The following C4orf36 variants were observed in gnomAD, a reference collection of about 807,000 sequenced individuals.
C4orf36 encodes the protein uncharacterized protein C4orf36.
C4orf36 carries 11 observed loss-of-function variants against 12.2 expected under a neutral mutation model. The observed-to-expected ratio is 0.90, with a 90% CI of 0.57 to 1.49. The LOEUF is 1.49. Ranked by LOEUF, C4orf36 falls within the 40% of genes most tolerant of loss-of-function variation. The pLI is 0.00. For synonymous variants in C4orf36, 54 were observed against 51.3 expected, an observed-to-expected ratio of 1.05 and a Z score of -0.22; for missense variants, 137 against 133.9, an observed-to-expected ratio of 1.02 and a Z score of -0.11.
At chr4:86,910,931 A>G in the C4orf36 span, among the ~76,000 whole-genome samples, 1 of 152,002 alleles carries the variant, frequency 6.6e-6, no homozygotes, top group Non-Finnish European at 1.5e-5. Flanking sequence ...CTAAAAAAAA[A>G]AAATAGCTGA....
chr4:86,919,473 C>G, the C4orf36 span, among the ~76,000 whole-genome samples: 1 of 151,772 alleles, frequency 6.6e-6, no homozygotes, highest in Non-Finnish European at 1.5e-5. Flanking sequence ...CAGGCATGCA[C>G]CACCAGTCTT....
the C4orf36 span, chr4:86,933,305 C>T: frequency 6.6e-6 from 1 of 152,154 alleles, no homozygotes; most frequent in Non-Finnish European, 1.5e-5. Context: ...ACTGGAATGT[C>T]ATGAAAATAG....
the C4orf36 span, among the ~76,000 whole-genome samples, chr4:86,919,249 C>T: frequency 2.8e-4 from 42 of 151,252 alleles, 1 homozygote; most frequent in East Asian, 7.6e-3. Flanking sequence ...CTCTTGAACA[C>T]ACTTTTTCAT....
At chr4:86,906,582 G>A in the C4orf36 span, among the ~76,000 whole-genome samples, 2 of 151,492 alleles carry the variant, frequency 1.3e-5, no homozygotes, top group African/African-American at 4.8e-5. Context: ...ACAAAAATTA[G>A]CTGGGTGTGG....
chr4:86,933,043 T>C, the C4orf36 span: 1 of 152,154 alleles, frequency 6.6e-6, no homozygotes, highest in African/African-American at 2.4e-5. Context: ...ATATAAAAAA[T>C]TTTTTAAAGT....
chr4:86,893,721 T>C (rs1420636272), upstream of C4orf36, among the ~76,000 whole-genome samples: 1 of 152,104 alleles, frequency 6.6e-6, no homozygotes, highest in African/African-American at 2.4e-5. Context: ...AGGTGAGGAC[T>C]GTCACTCGCT....
At chr4:86,913,612 G>A in the C4orf36 span, 1 of 1,420,148 alleles carries the variant, frequency 7.0e-7, no homozygotes, top group South Asian at 1.2e-5. Flanking sequence ...AAACACTTAG[G>A]AGCAGCAGGA....
chr4:86,880,991 C>T (rs1226597986), intron 4 of C4orf36, among the ~76,000 whole-genome samples: 1 of 150,368 alleles, frequency 6.7e-6, no homozygotes, highest in Non-Finnish European at 1.5e-5. Context: ...TGAGATCACA[C>T]CACTCGACTC....
the C4orf36 span, among the ~76,000 whole-genome samples, chr4:86,904,869 C>T: frequency 2.6e-5 from 4 of 152,132 alleles, no homozygotes; most frequent in Admixed American, 2.6e-4. Flanking sequence ...TGTGCCCCCT[C>T]AAAATTCATT....
chr4:86,927,096 C>A, the C4orf36 span, among the ~76,000 whole-genome samples: 3 of 152,170 alleles, frequency 2.0e-5, no homozygotes, highest in African/African-American at 7.2e-5. Context: ...AAAAAGTATG[C>A]CCACCCCCAT....
At chr4:86,913,946 T>TC in the C4orf36 span, 1 of 1,472,076 alleles carries the variant, frequency 6.8e-7, no homozygotes, top group Non-Finnish European at 9.4e-7. Context: ...TGCCTCAGCC[T>TC]CCCGAGTAGC....
chr4:86,918,808 T>C, the C4orf36 span, among the ~76,000 whole-genome samples: 2 of 23,876 alleles, frequency 8.4e-5, no homozygotes, highest in Non-Finnish European at 1.6e-4. Context: ...GTGTTGTGTG[T>C]GCGTGTGTGT....
At chr4:86,891,308 A>G in intron 2 of C4orf36, 148 bp downstream of exon 2, 1 of 652,992 alleles carries the variant, frequency 1.5e-6, no homozygotes, top group Non-Finnish European at 2.4e-6. Flanking sequence ...AAAAAAAAAA[A>G]AAAAATCAGA....
chr4:86,888,092 C>A (rs1205929646), intron 3 of C4orf36, 29 bp downstream of exon 3: 2 of 1,600,306 alleles, frequency 1.2e-6, no homozygotes, highest in Admixed American at 3.5e-5. Context: ...GAATTTATAA[C>A]TTATTAAAGC....
the C4orf36 span, among the ~76,000 whole-genome samples, chr4:86,919,315 C>CTTTTTTTTTTTTTTTTT: frequency 2.5e-5 from 2 of 81,354 alleles, no homozygotes; most frequent in African/African-American, 1.1e-4. Flanking sequence ...TTTTTTCCCC[C>CTTTTTTTTTTTTTTTTT]TTTTTTTTTT....
At chr4:86,884,969 C>T (rs186718601) in intron 4 of C4orf36, among the ~76,000 whole-genome samples, 1 of 152,292 alleles carries the variant, frequency 6.6e-6, no homozygotes, top group East Asian at 1.9e-4. Context: ...AATCCTTTCC[C>T]CATTGTTCGT....
At chr4:86,926,617 A>G in the C4orf36 span, among the ~76,000 whole-genome samples, 2 of 152,116 alleles carry the variant, frequency 1.3e-5, no homozygotes, top group Non-Finnish European at 2.9e-5. Context: ...CTTAGCTTGG[A>G]ACTCCAAACA....
chr4:86,915,563 C>G, the C4orf36 span, among the ~76,000 whole-genome samples: 1 of 152,132 alleles, frequency 6.6e-6, no homozygotes, highest in African/African-American at 2.4e-5. Context: ...GGGGGTGGAT[C>G]ACCTGAGGTT....
At chr4:86,895,818 C>G (rs528376517), upstream of C4orf36, among the ~76,000 whole-genome samples, 1 of 152,170 alleles carries the variant, frequency 6.6e-6, no homozygotes, top group East Asian at 1.9e-4. Flanking sequence ...TTTTTCCCCC[C>G]TGCTTTGCTG....
Sources: allele counts gnomAD v4.1 joint callset (sites outside exome capture counted in the v4.1 genomes callset), GRCh38; gene constraint gnomAD v4.1.1; transcripts MANE v1.5; gene names NCBI Gene and HGNC (gene_info 2026-07-23, HGNC 2026-07-21).